The following ZNF124 variants were observed in gnomAD, a reference collection of about 807,000 sequenced individuals.
ZNF124 encodes zinc finger protein 124.
ZNF124 carries 25 observed loss-of-function variants against 26.6 expected under a neutral mutation model. That is an observed-to-expected ratio of 0.94 (90% CI 0.68 to 1.31). ZNF124 has a LOEUF of 1.31. ZNF124 is among the 40% of genes most tolerant of loss of function. ZNF124 has a pLI of 0.00. For synonymous variants in ZNF124, 129 were observed against 133.3 expected, an observed-to-expected ratio of 0.97 and a Z score of 0.22; for missense variants, 444 against 422.2, an observed-to-expected ratio of 1.05 and a Z score of -0.45.
At chr1:247,163,714 G>T (rs1230701561) in intron 1 of ZNF124, among the ~76,000 whole-genome samples, 1 of 152,126 alleles carries the variant, frequency 6.6e-6, no homozygotes, top group Non-Finnish European at 1.5e-5. Flanking sequence ...GTATTAAGAA[G>T]AGCTGGTACC....
In ZNF124 at chr1:247,135,134, A is replaced by C. The variant is rs143445289; in HGVS notation, c.219-11263T>G. On this transcript the variant is annotated intron_variant, in intron 3 of 3. Transcript: ENST00000472531. ...AAAAATCATAGTACTAAATGCCTAC[A>C]TCAGAAAGCTAGAAGCAAGAGCAAA... Among the ~76,000 whole-genome samples, 126 of 152,346 alleles carry C rather than the reference A, an allele frequency of 8.3e-4. 1 individual carries two copies. The East Asian group carries it at 0.022, about 27-fold the overall frequency.
At chr1:247,159,945 T>A in intron 1 of ZNF124, 132 bp from the exon 2 acceptor site, 1 of 983,304 alleles carries the variant, frequency 1.0e-6, no homozygotes, top group Non-Finnish European at 1.4e-6. Context: ...GAACTATGAC[T>A]CTGTCTACAC....
intron 1 of ZNF124, among the ~76,000 whole-genome samples, chr1:247,161,303 G>A (rs1673464820): frequency 6.6e-6 from 1 of 152,140 alleles, no homozygotes; most frequent in South Asian, 2.1e-4. Context: ...AACAGAGGAG[G>A]CATTGTAGGA....
chr1:247,161,314 T>C (rs1270359683), intron 1 of ZNF124, among the ~76,000 whole-genome samples: 1 of 152,142 alleles, frequency 6.6e-6, no homozygotes, highest in East Asian at 1.9e-4. Context: ...CATTGTAGGA[T>C]AGTGAAGGAA....
chr1:247,125,058 C>T (rs528023535), intron 3 of ZNF124, among the ~76,000 whole-genome samples: 1 of 151,890 alleles, frequency 6.6e-6, no homozygotes, highest in African/African-American at 2.4e-5. Context: ...CTGCCTACGC[C>T]TCCCAAAGTG....
chr1:247,137,458 A>G (rs12076222), intron 3 of ZNF124, among the ~76,000 whole-genome samples: 31,454 of 128,340 alleles, frequency 0.25, 4,866 homozygotes, highest in African/African-American at 0.39. Flanking sequence ...CCTGGCCAAC[A>G]TAGCGAAACC....
rs771122267 is a variant in ZNF124 at position 247,156,912 on chromosome 1, A to G, written c.710T>C (p.Met237Thr). ...THTGEKPYVCMECGKAFSCLS... is the reference protein window; with the variant it reads ...THTGEKPYVCTECGKAFSCLS... The stretch of plus-strand genomic sequence containing the variant: ...ACAACTGAAAGCTTTGCCACATTCC[A>G]TGCACACATAAGGTTTCTCTCCAGT... The change falls in exon 4 of 4, where the codon ATG becomes ACG. Residue 237 changes from methionine to threonine, a missense_variant. Physicochemically the swap from Met to Thr is moderately conservative, Grantham distance 81 (BLOSUM62 -1). Coordinates refer to ENST00000543802, the MANE Select transcript of ZNF124 (RefSeq NM_001297568.2). 133 of 1,613,918 alleles carry G rather than the reference A, an allele frequency of 8.2e-5. No individual in the cohort carries two copies. The highest frequency in any genetic ancestry group is 9.8e-5 in the Non-Finnish European group (116 of 1,180,014).
intron 3 of ZNF124, among the ~76,000 whole-genome samples, chr1:247,128,777 G>A (rs950584168): frequency 3.3e-5 from 5 of 149,776 alleles, no homozygotes; most frequent in East Asian, 2.0e-4. Context: ...AGGAAACCCC[G>A]CCCCGCAGTG....
intron 3 of ZNF124, among the ~76,000 whole-genome samples, chr1:247,140,994 A>G (rs1285691423): frequency 1.3e-5 from 2 of 152,110 alleles, no homozygotes; most frequent in Non-Finnish European, 2.9e-5. Flanking sequence ...CCTGGCTTGG[A>G]GGCAGCAGAG....
intron 3 of ZNF124, chr1:247,138,226 C>T (rs527846496): frequency 6.6e-6 from 1 of 151,998 alleles, no homozygotes; most frequent in South Asian, 2.1e-4. Flanking sequence ...CAATGATAGA[C>T]TGGATAAAGA....
At chr1:247,164,595 A>AC (rs1553335765) in intron 1 of ZNF124, among the ~76,000 whole-genome samples, 232 of 152,244 alleles carry the variant, frequency 1.5e-3, no homozygotes, top group Non-Finnish European at 2.3e-3. Context: ...CTGGGAAAAA[A>AC]AAAACAAAAC....
rs373560392 is a variant in ZNF124 at position 247,159,978 on chromosome 1, TC to T, written c.31-166del. 1,901 of 366,180 alleles carry T rather than the reference TC, an allele frequency of 5.2e-3. 51 individuals carry two copies. The highest frequency in any genetic ancestry group is 0.016 in the African/African-American group (638 of 39,166). The allele number at this position is 366,180 out of a possible 1,614,324, so 22.7% of individuals were successfully genotyped here. ...CACTTCCTTTCTCCCACATAGCAGT[TC>T]TTTTTTTTTTTTTTTTTTTTTTTTT... On this transcript the variant is annotated intron_variant, in intron 1 of 3. Transcript: ENST00000543802.
intron 3 of ZNF124, among the ~76,000 whole-genome samples, chr1:247,137,487 C>CAGAAAAAAAAAAA (rs1672512136): frequency 1.2e-5 from 1 of 81,634 alleles, no homozygotes; most frequent in African/African-American, 4.4e-5. Context: ...ACTAAAAATA[C>CAGAAAAAAAAAAA]AAAAAAAAAA....
At chr1:247,131,646 G>T (rs183220285) in intron 3 of ZNF124, among the ~76,000 whole-genome samples, 56 of 152,304 alleles carry the variant, frequency 3.7e-4, no homozygotes, top group African/African-American at 1.3e-3. Flanking sequence ...TGTCCCTACA[G>T]CCCAATACAC....
Position 247,157,039 on chromosome 1 carries a change from C to A in ZNF124, c.583G>T (p.Asp195Tyr), listed in dbSNP as rs1013755498. Residue 195 changes from aspartate (D) to tyrosine (Y), a missense_variant, in exon 4 of 4, where the codon GAC (aspartate) becomes TAC (tyrosine). By Grantham distance (160) the Asp-to-Tyr change is radical (BLOSUM62 -3). Transcript: ENST00000543802. The part of the protein sequence containing the change: ...KAFSRSSHLR[D>Y]HERTHTGEKP... ...TCTCCAGTATGAGTTCTTTCATGGT[C>A]ACGAAGGTGACTGGAACGACTGAAG... 1 of 1,612,692 alleles carries A rather than the reference C, an allele frequency of 6.2e-7. No homozygotes were observed. The highest frequency in any genetic ancestry group is 8.5e-7 in the Non-Finnish European group (1 of 1,179,716).
intron 3 of ZNF124, among the ~76,000 whole-genome samples, chr1:247,143,346 G>A (rs561338981): frequency 6.6e-6 from 1 of 152,274 alleles, no homozygotes; most frequent in African/African-American, 2.4e-5. Flanking sequence ...CTGAGGAAAT[G>A]TGTGATCAGA....
intron 3 of ZNF124, among the ~76,000 whole-genome samples, chr1:247,125,182 T>C (rs1205844426): frequency 2.0e-5 from 3 of 152,190 alleles, no homozygotes; most frequent in African/African-American, 7.2e-5. Flanking sequence ...CTGGAGACTT[T>C]TTCACACATT....
At chr1:247,162,926 C>T (rs930030562) in intron 1 of ZNF124, among the ~76,000 whole-genome samples, 1 of 152,076 alleles carries the variant, frequency 6.6e-6, no homozygotes, top group Middle Eastern at 3.2e-3. Context: ...CAACACTTCA[C>T]CAAATGGACC....
At chr1:247,167,143 A>G (rs1673825856) in intron 1 of ZNF124, among the ~76,000 whole-genome samples, 1 of 152,234 alleles carries the variant, frequency 6.6e-6, no homozygotes. Context: ...ACAGTATGAA[A>G]AACCAGCACT....
Sources: gnomAD v4.1 joint callset for allele counts (sites outside exome capture counted in the v4.1 genomes callset) on GRCh38, gnomAD v4.1.1 for gene constraint, MANE v1.5 for transcripts, NCBI Gene and HGNC (gene_info 2026-07-23, HGNC 2026-07-21) for gene names.